NPR3: variants seen among roughly 807,000 people sequenced by gnomAD.
The protein encoded by NPR3 is natriuretic peptide receptor 3, also known as atrial natriuretic peptide receptor 3.
A neutral mutation model predicts 54.5 loss-of-function variants in NPR3; 34 were observed. That is an observed-to-expected ratio of 0.62 (90% CI 0.47 to 0.83). The LOEUF (loss-of-function observed/expected upper bound fraction) is 0.83, where lower values mean the gene tolerates loss of function less well. NPR3 is among the 40% of genes least tolerant of loss of function. NPR3 has a pLI of 0.00. For missense variants in NPR3, 674 were observed against 720.8 expected (o/e 0.94, Z 0.74); for synonymous variants, 289 against 297.1 (o/e 0.97, Z 0.28).
rs1349721088 is a variant in NPR3, at chr5:32,786,767, C to T, written c.*422C>T. On this transcript the variant is annotated 3_prime_UTR_variant, in exon 8 of 8. Coordinates refer to ENST00000265074, the MANE Select transcript of NPR3 (RefSeq NM_001204375.2). ...AGCATTCTTGGAAAGAATTTAACAC[C>T]CAAAAAGGGGAAAATGTAATGAAAA... 5.6e-6 allele frequency: 1 copy of T among 177,574 alleles called. No individual in the cohort carries two copies. The highest frequency in any genetic ancestry group is 1.2e-5 in the Non-Finnish European group (1 of 86,908). The allele number at this position is 177,574 out of a possible 1,614,324, so 11.0% of individuals were successfully genotyped here.
rs113177280 is a variant in NPR3 at position 32,698,068 on chromosome 5, T to C, written c.100+8882T>C. 3.5e-3 allele frequency among the ~76,000 whole-genome samples: 536 copies of C among 152,202 alleles called. 3 individuals are homozygous for C. Among genetic ancestry groups the C allele is most frequent in the Non-Finnish European group, 4.7e-3 (318 of 67,958 alleles). ...CTCTTCCTTTTCTAGTTCTTTAAGATACATCATTAGGTTGTTTAATTGAAG... is the reference window on the plus strand; with the variant it reads ...CTCTTCCTTTTCTAGTTCTTTAAGACACATCATTAGGTTGTTTAATTGAAG... On this transcript the variant is annotated intron_variant, in intron 1 of 5. Coordinates refer to the NPR3 transcript ENST00000509104.
Position 32,788,568 on chromosome 5 carries a change from A to T in NPR3, c.*2223A>T, listed in dbSNP as rs1378361137. On this transcript the variant is annotated 3_prime_UTR_variant, in exon 8 of 8. Coordinates refer to ENST00000265074, the MANE Select transcript of NPR3 (RefSeq NM_001204375.2). The stretch of plus-strand genomic sequence containing the variant: ...TATGTGCTTATTACAGGGGAAAAAT[A>T]ATCTACCTGGTTGCAGTCTTTGAGT... 6.6e-6 allele frequency: 1 copy of T among 152,242 alleles called. No homozygotes were observed. Among genetic ancestry groups the T allele is most frequent in the African/African-American group, 2.4e-5 (1 of 41,468 alleles). The allele number at this position is 152,242 out of a possible 1,614,324, so 9.4% of individuals were successfully genotyped here.
At chr5:32,772,563 G>T (rs1741824608) in intron 3 of NPR3, among the ~76,000 whole-genome samples, 2 of 152,218 alleles carry the variant, frequency 1.3e-5, no homozygotes, top group South Asian at 4.1e-4. Context: ...CAAACAACAT[G>T]AACAGTAGGC....
At chr5:32,736,230 C>CAGAA (rs1739737450) in intron 2 of NPR3, among the ~76,000 whole-genome samples, 1 of 65,380 alleles carries the variant, frequency 1.5e-5, no homozygotes, top group Admixed American at 1.7e-4. Flanking sequence ...CACTCTGTCT[C>CAGAA]AAAAAAAAAA....
chr5:32,691,733 G>A (rs902189056), intron 1 of NPR3, among the ~76,000 whole-genome samples: 1 of 152,182 alleles, frequency 6.6e-6, no homozygotes, highest in Non-Finnish European at 1.5e-5. Context: ...AAATGCTCAC[G>A]TAAGTCTAAA....
chr5:32,757,741 C>G (rs1017543966), intron 3 of NPR3, among the ~76,000 whole-genome samples: 28 of 152,132 alleles, frequency 1.8e-4, no homozygotes, highest in African/African-American at 6.0e-4. Flanking sequence ...GTGGGTTTGT[C>G]ATAAATAGCT....
rs1740078185 is a variant in NPR3 at position 32,742,302 on chromosome 5, C to G, written c.1059+3272C>G. On this transcript the variant is annotated intron_variant, in intron 3 of 7. Coordinates refer to ENST00000265074, the MANE Select transcript of NPR3 (RefSeq NM_001204375.2). ...ACAGTTTTGTTTCTTTTAAATTCTT[C>G]TACTTTTAAGTATGCTTAATTGAAA... Among the ~76,000 whole-genome samples, 3 of 151,972 alleles carry G rather than the reference C, an allele frequency of 2.0e-5. 1 individual carries two copies. In the South Asian group the frequency reaches 6.2e-4, roughly 31 times the overall value.
intron 3 of NPR3, among the ~76,000 whole-genome samples, chr5:32,765,976 T>A (rs1352448621): frequency 6.6e-6 from 1 of 152,108 alleles, no homozygotes; most frequent in African/African-American, 2.4e-5. Context: ...GCAAGGCCTG[T>A]GGCAGTAGGG....
intron 4 of NPR3, among the ~76,000 whole-genome samples, chr5:32,778,317 C>T (rs1013400872): frequency 6.6e-6 from 1 of 152,106 alleles, no homozygotes; most frequent in African/African-American, 2.4e-5. Flanking sequence ...ATTTTATTTG[C>T]TAAACAATGG....
At chr5:32,707,461 C>T (rs1044327356), upstream of NPR3, among the ~76,000 whole-genome samples, 2 of 151,836 alleles carry the variant, frequency 1.3e-5, no homozygotes, top group African/African-American at 4.8e-5. Flanking sequence ...TTTTTTTTCC[C>T]CACTTCTTGA....
intron 3 of NPR3, among the ~76,000 whole-genome samples, chr5:32,761,798 T>G (rs886924627): frequency 6.6e-6 from 1 of 152,100 alleles, no homozygotes; most frequent in Non-Finnish European, 1.5e-5. Context: ...AATATAATTT[T>G]TTTTTTCATT....
chr5:32,699,549 G>T (rs1740614897), intron 1 of NPR3, among the ~76,000 whole-genome samples: 1 of 152,050 alleles, frequency 6.6e-6, no homozygotes, highest in African/African-American at 2.4e-5. Context: ...ACTTATGATT[G>T]AGAACATGCA....
At chr5:32,712,648 G>A (rs893593331) in intron 1 of NPR3, 103 bp downstream of exon 1, 1 of 1,176,558 alleles carries the variant, frequency 8.5e-7, no homozygotes, top group Non-Finnish European at 1.2e-6. Flanking sequence ...CCACTGCGGC[G>A]CTGAGGTCGG....
chr5:32,706,195 C>T (rs561740315), upstream of NPR3, among the ~76,000 whole-genome samples: 4 of 152,324 alleles, frequency 2.6e-5, no homozygotes, highest in South Asian at 6.2e-4. Context: ...GCTCCCCCTT[C>T]GCCTTCTGCC....
chr5:32,780,277 A>G (rs1742269125), intron 4 of NPR3, among the ~76,000 whole-genome samples: 2 of 152,196 alleles, frequency 1.3e-5, no homozygotes. Context: ...GCCTGGAGAA[A>G]AGCACATTCA....
chr5:32,724,850 G>T, intron 2 of NPR3, 30 bp downstream of exon 2: 3 of 1,612,946 alleles, frequency 1.9e-6, no homozygotes, highest in Non-Finnish European at 1.7e-6. Context: ...CCCCTCCTCT[G>T]CTAGGGTTCC....
chr5:32,710,890 G>GTA (rs1217295128), upstream of NPR3: 6 of 852,776 alleles, frequency 7.0e-6, no homozygotes, highest in African/African-American at 3.1e-5. Flanking sequence ...GTGTGTGTGT[G>GTA]TATATGTGTG....
In NPR3 at chr5:32,712,243, C is replaced by A; in HGVS notation, c.467C>A (p.Ser156Ter). 6.2e-7 allele frequency: 1 copy of A among 1,612,620 alleles called. No homozygotes were observed. The highest frequency in any genetic ancestry group is 8.5e-7 in the Non-Finnish European group (1 of 1,179,584). The change falls in exon 1 of 8, where the codon TCG becomes TAG. Residue 156 changes from serine (S) to a stop codon, truncating the protein, a stop_gained. Transcript: ENST00000265074. LOFTEE classifies it high-confidence loss of function. ...TCGCACTGGGACCTGCCCATGCTGT[C>A]GGCTGGGGCGCTGGCCGCTGGCTTC... Reference protein sequence around the residue: ...LASHWDLPMLSAGALAAGFQH... With the variant: ...LASHWDLPML
intron 1 of NPR3, among the ~76,000 whole-genome samples, chr5:32,704,297 G>A (rs1174642126): frequency 1.3e-5 from 2 of 151,974 alleles, no homozygotes; most frequent in Admixed American, 6.6e-5. Flanking sequence ...CCCTTTCAGT[G>A]ATATGAAATG....
Sources: allele counts gnomAD v4.1 joint callset (sites outside exome capture counted in the v4.1 genomes callset), GRCh38; gene constraint gnomAD v4.1.1; transcripts MANE v1.5; gene names NCBI Gene and HGNC (gene_info 2026-07-23, HGNC 2026-07-21).